The following PPP2R3A variants were observed in gnomAD, a reference collection of about 807,000 sequenced individuals.
PPP2R3A encodes serine/threonine-protein phosphatase 2A regulatory subunit B'' subunit alpha.
PPP2R3A carries 80 observed loss-of-function variants against 106.9 expected under a neutral mutation model. That is an observed-to-expected ratio of 0.75 (90% confidence interval 0.62 to 0.90). The LOEUF (loss-of-function observed/expected upper bound fraction) is 0.90. PPP2R3A is among the 40% of genes least tolerant of loss of function. PPP2R3A has a pLI of 0.00. For missense variants in PPP2R3A, 1,386 were observed against 1,350.4 expected, an observed-to-expected ratio of 1.03 and a Z score of -0.41; for synonymous variants, 483 against 468.3, an observed-to-expected ratio of 1.03 and a Z score of -0.41.
chr3:136,022,638 A>G, intron 2 of PPP2R3A: 3 of 422,840 alleles, frequency 7.1e-6, no homozygotes, highest in Non-Finnish European at 9.5e-6. Flanking sequence ...CACCTCACAT[A>G]CCCTGAGTTT....
chr3:136,068,023 G>A (rs1936314076), intron 5 of PPP2R3A, among the ~76,000 whole-genome samples: 1 of 152,170 alleles, frequency 6.6e-6, no homozygotes, highest in Non-Finnish European at 1.5e-5. Flanking sequence ...CCAGGAGTTC[G>A]AGACCAGCCA....
chr3:136,140,104 C>A (rs1199953490), intron 13 of PPP2R3A, among the ~76,000 whole-genome samples: 1 of 152,022 alleles, frequency 6.6e-6, no homozygotes, highest in Admixed American at 6.6e-5. Context: ...TCCTCTGACC[C>A]CTCTGTTCAT....
rs747811648 is a variant in PPP2R3A at position 136,138,695 on chromosome 3, A to ATTTTTTTTTTTTTTTT, written c.3330-6328_3330-6313dup. On this transcript the variant is annotated intron_variant, in intron 13 of 13. Coordinates refer to ENST00000264977, the MANE Select transcript of PPP2R3A (RefSeq NM_002718.5). ...AGACTCCAAACTAGAGAAATATTGA[A>ATTTTTTTTTTTTTTTT]TTTTTTTTTTTTTTTTTTTTTTTTT... Among the ~76,000 whole-genome samples the ATTTTTTTTTTTTTTTT allele has an allele frequency of 4.1e-4, 21 of 50,638 alleles. 3 individuals are homozygous for ATTTTTTTTTTTTTTTT. The highest frequency in any genetic ancestry group is 2.3e-3 in the South Asian group (2 of 888). The allele number at this position is 50,638 out of a possible 152,430, so 33.2% of individuals were successfully genotyped here.
intron 4 of PPP2R3A, among the ~76,000 whole-genome samples, chr3:136,042,622 G>A (rs559931895): frequency 6.6e-6 from 1 of 152,120 alleles, no homozygotes; most frequent in East Asian, 1.9e-4. Context: ...TCTGCAAAAC[G>A]CAAAAAGCGG....
chr3:135,970,065 T>A (rs1163419242), intron 1 of PPP2R3A, among the ~76,000 whole-genome samples: 1 of 152,250 alleles, frequency 6.6e-6, no homozygotes, highest in African/African-American at 2.4e-5. Context: ...TAAAAAATGC[T>A]AATGCTGTGG....
At chr3:136,118,915 C>G (rs1475202395) in intron 13 of PPP2R3A, among the ~76,000 whole-genome samples, 1 of 152,124 alleles carries the variant, frequency 6.6e-6, no homozygotes, top group Non-Finnish European at 1.5e-5. Context: ...ATTGCCAAGC[C>G]AATCCTAAGC....
intron 4 of PPP2R3A, among the ~76,000 whole-genome samples, chr3:136,044,875 C>G (rs1431670311): frequency 2.0e-5 from 3 of 152,130 alleles, no homozygotes; most frequent in African/African-American, 7.2e-5. Flanking sequence ...TGCAAGAGAT[C>G]CCACAGCCAC....
At chr3:136,024,804 C>T (rs1465827905) in intron 2 of PPP2R3A, among the ~76,000 whole-genome samples, 2 of 152,134 alleles carry the variant, frequency 1.3e-5, no homozygotes, top group African/African-American at 4.8e-5. Flanking sequence ...AGGAATGACA[C>T]TAATATAAAT....
At chr3:136,026,376 C>A (rs1244780829) in intron 2 of PPP2R3A, among the ~76,000 whole-genome samples, 1 of 152,182 alleles carries the variant, frequency 6.6e-6, no homozygotes, top group East Asian at 1.9e-4. Context: ...AAAAGGAGCC[C>A]CTTCCCCAAA....
At chr3:136,117,151 G>A (rs577721774) in intron 13 of PPP2R3A, among the ~76,000 whole-genome samples, 2 of 152,266 alleles carry the variant, frequency 1.3e-5, no homozygotes, top group South Asian at 2.1e-4. Context: ...GGTAAATAAC[G>A]AAATGAAGGC....
intron 13 of PPP2R3A, among the ~76,000 whole-genome samples, chr3:136,139,601 G>C (rs1938769050): frequency 6.6e-6 from 1 of 151,446 alleles, no homozygotes; most frequent in East Asian, 1.9e-4. Context: ...GCTGAGGCAG[G>C]AGAATCGCTT....
intron 5 of PPP2R3A, among the ~76,000 whole-genome samples, chr3:136,066,633 C>G (rs1189874686): frequency 6.6e-6 from 1 of 152,076 alleles, no homozygotes; most frequent in Non-Finnish European, 1.5e-5. Flanking sequence ...GGCAGAAGGA[C>G]AAGGGGGAAG....
At chr3:136,075,167 T>C (rs1243641012) in intron 6 of PPP2R3A, among the ~76,000 whole-genome samples, 1 of 152,196 alleles carries the variant, frequency 6.6e-6, no homozygotes, top group East Asian at 1.9e-4. Flanking sequence ...ATTCAATAGA[T>C]ACCAAGAAGA....
chr3:136,093,923 A>T (rs562574613), intron 10 of PPP2R3A, among the ~76,000 whole-genome samples: 1 of 152,338 alleles, frequency 6.6e-6, no homozygotes, highest in Non-Finnish European at 1.5e-5. Context: ...TGTCCACACA[A>T]AAACTTGTAC....
chr3:136,082,525 C>G, intron 8 of PPP2R3A, 104 bp downstream of exon 8: 2 of 1,315,078 alleles, frequency 1.5e-6, no homozygotes, highest in South Asian at 2.6e-5. Context: ...TAAACCTAAT[C>G]AAGTCCTCTT....
Position 136,027,050 on chromosome 3 carries a change from T to C in PPP2R3A, c.2214T>C (p.Asp738=). ...TLSRIETAFM[D]IEEQKADIYE... The stretch of plus-strand genomic sequence containing the variant: ...GCAGAATTGAAACTGCTTTCATGGA[T>C]ATTGAAGAACAGAAAGCAGACATTT... The change falls in exon 3 of 14, where the codon GAT becomes GAC. Residue 738 remains aspartate (D), a synonymous_variant. Coordinates refer to ENST00000264977, the MANE Select transcript of PPP2R3A (RefSeq NM_002718.5). 6.2e-7 allele frequency: 1 copy of C among 1,613,600 alleles called. No individual in the cohort carries two copies. Among genetic ancestry groups the C allele is most frequent in the Non-Finnish European group, 8.5e-7 (1 of 1,179,628 alleles).
chr3:136,078,586 C>A (rs1219524583), intron 7 of PPP2R3A, 133 bp downstream of exon 7: 1 of 640,684 alleles, frequency 1.6e-6, no homozygotes. Context: ...TTATCAAATA[C>A]CTGTCGTGGG....
chr3:136,107,502 C>G (rs567940003), intron 13 of PPP2R3A, among the ~76,000 whole-genome samples: 43 of 144,090 alleles, frequency 3.0e-4, no homozygotes, highest in Admixed American at 8.1e-4. Context: ...TCAGGTCAGC[C>G]TCCTGAGGCA....
chr3:136,022,415 C>T (rs1576440751), intron 2 of PPP2R3A, among the ~76,000 whole-genome samples: 1 of 152,090 alleles, frequency 6.6e-6, no homozygotes, highest in South Asian at 2.1e-4. Flanking sequence ...ATGAAAGTTT[C>T]TGTTTTTCCT....
Sources: gnomAD v4.1 joint callset for allele counts (sites outside exome capture counted in the v4.1 genomes callset) on GRCh38, gnomAD v4.1.1 for gene constraint, MANE v1.5 for transcripts, NCBI Gene and HGNC (gene_info 2026-07-23, HGNC 2026-07-21) for gene names.